The following DNAJC6 variants were observed in gnomAD, a reference collection of about 807,000 sequenced individuals.
DNAJC6 encodes the protein DnaJ heat shock protein family (Hsp40) member C6, also known as auxilin.
Under a neutral mutation model 110.0 loss-of-function variants are expected in DNAJC6, and 34 were observed. The observed-to-expected ratio is 0.31, with a 90% CI of 0.24 to 0.41. DNAJC6 has a LOEUF of 0.41. Among genes scored for constraint, DNAJC6 ranks in the 10% least tolerant of loss-of-function variants. The pLI is 1.00. For synonymous variants in DNAJC6, 406 were observed against 437.2 expected (o/e 0.93, Z 0.89); for missense variants, 1,031 against 1,207.8 (o/e 0.85, Z 2.17).
At chr1:65,300,043 C>CAAAAAAAAAA (rs59681451) in intron 1 of DNAJC6, among the ~76,000 whole-genome samples, 3 of 112,048 alleles carry the variant, frequency 2.7e-5, no homozygotes, top group Non-Finnish European at 3.8e-5. Flanking sequence ...AACTCCATCT[C>CAAAAAAAAAA]AAAAAAAAAA....
intron 1 of DNAJC6, among the ~76,000 whole-genome samples, chr1:65,350,055 G>T (rs1175930642): frequency 2.0e-5 from 3 of 152,130 alleles, no homozygotes; most frequent in Non-Finnish European, 4.4e-5. Context: ...TAAGTGCCGA[G>T]GTTGAGACAT....
chr1:65,318,281 A>G (rs1557518942), intron 1 of DNAJC6, among the ~76,000 whole-genome samples: 1 of 152,080 alleles, frequency 6.6e-6, no homozygotes, highest in Non-Finnish European at 1.5e-5. Flanking sequence ...ATTCATCTTT[A>G]TTCAAATGCA....
At chr1:65,390,322 C>G (rs1006847081) in intron 11 of DNAJC6, among the ~76,000 whole-genome samples, 2 of 152,174 alleles carry the variant, frequency 1.3e-5, no homozygotes, top group African/African-American at 4.8e-5. Flanking sequence ...CCCCAGGGAG[C>G]CTTAACCACT....
intron 1 of DNAJC6, among the ~76,000 whole-genome samples, chr1:65,331,519 G>A (rs534767160): frequency 6.6e-6 from 1 of 152,300 alleles, no homozygotes; most frequent in South Asian, 2.1e-4. Flanking sequence ...GTTGTACAGC[G>A]ATTACAGGGT....
chr1:65,352,858 G>A (rs1645505097), intron 1 of DNAJC6, among the ~76,000 whole-genome samples: 1 of 152,158 alleles, frequency 6.6e-6, no homozygotes, highest in Admixed American at 6.5e-5. Flanking sequence ...AAGCACACTG[G>A]TTTTCTAAAA....
chr1:65,376,680 G>T (rs1349472689), intron 4 of DNAJC6, among the ~76,000 whole-genome samples: 1 of 151,530 alleles, frequency 6.6e-6, no homozygotes, highest in Non-Finnish European at 1.5e-5. Flanking sequence ...TATTTTCCAA[G>T]TTTCCTTTTG....
At chr1:65,278,145 G>A (rs927794165) in intron 1 of DNAJC6, among the ~76,000 whole-genome samples, 1 of 152,168 alleles carries the variant, frequency 6.6e-6, no homozygotes, top group African/African-American at 2.4e-5. Context: ...CAGGTTGCGC[G>A]CTGCGTTTAG....
chr1:65,413,344 GA>G lies in DNAJC6; in HGVS notation c.*321del. Reference sequence around the variant, plus strand: ...ATGGAAAACAGAGGCCACCACCCATGAAGGCATAACACCCATCACATTGTCT... The same window carrying G: ...ATGGAAAACAGAGGCCACCACCCATGAGGCATAACACCCATCACATTGTCT... On this transcript the variant is annotated 3_prime_UTR_variant, in exon 19 of 19. Transcript: ENST00000371069. 7 of 263,330 alleles carry G rather than the reference GA, an allele frequency of 2.7e-5. No homozygotes were observed. Among genetic ancestry groups the G allele is most frequent in the South Asian group, 1.0e-4 (2 of 19,152 alleles). The allele number at this position is 263,330 out of a possible 1,614,324, so 16.3% of individuals were successfully genotyped here.
intron 1 of DNAJC6, among the ~76,000 whole-genome samples, chr1:65,315,729 T>C (rs1464556221): frequency 1.3e-5 from 2 of 152,228 alleles, no homozygotes; most frequent in Non-Finnish European, 2.9e-5. Context: ...GGTCATCTTA[T>C]AGTTGAATAA....
intron 1 of DNAJC6, among the ~76,000 whole-genome samples, chr1:65,338,273 T>C (rs1645356949): frequency 6.6e-6 from 1 of 152,334 alleles, no homozygotes; most frequent in East Asian, 1.9e-4. Flanking sequence ...ATTACTTATT[T>C]GCTTTGTGCC....
intron 4 of DNAJC6, among the ~76,000 whole-genome samples, chr1:65,372,546 G>A (rs7537733): frequency 0.66 from 100,773 of 151,934 alleles, 34,134 homozygotes; most frequent in African/African-American, 0.82. Flanking sequence ...CAGCTTGACC[G>A]CAAGCTAGCA....
At chr1:65,265,925 C>A (rs1315737996) in intron 1 of DNAJC6, among the ~76,000 whole-genome samples, 3 of 152,238 alleles carry the variant, frequency 2.0e-5, no homozygotes, top group Non-Finnish European at 4.4e-5. Flanking sequence ...GCCGGCCCCC[C>A]TTTCTTTTCA....
At chr1:65,300,075 T>C (rs1038429637) in intron 1 of DNAJC6, among the ~76,000 whole-genome samples, 7 of 149,508 alleles carry the variant, frequency 4.7e-5, no homozygotes, top group Non-Finnish European at 8.9e-5. Context: ...AAAAAAAGTC[T>C]GAAATCCAGT....
Position 65,288,383 on chromosome 1 carries a change from A to G in DNAJC6, c.-131+23451A>G, listed in dbSNP as rs148562262. On this transcript the variant is annotated intron_variant, in intron 1 of 19. Transcript: ENST00000263441. ...CTCTAACATGAAAAATTTATAACTAATGGCAACATTGGGAAAAAGCAAGAT... is the reference window on the plus strand; with the variant it reads ...CTCTAACATGAAAAATTTATAACTAGTGGCAACATTGGGAAAAAGCAAGAT... 2.3e-3 allele frequency among the ~76,000 whole-genome samples: 358 copies of G among 152,344 alleles called. 1 individual carries two copies. Among genetic ancestry groups the G allele is most frequent in the African/African-American group, 8.0e-3 (333 of 41,584 alleles).
At chr1:65,266,121 A>T (rs545484014) in intron 1 of DNAJC6, among the ~76,000 whole-genome samples, 1 of 152,180 alleles carries the variant, frequency 6.6e-6, no homozygotes, top group Non-Finnish European at 1.5e-5. Flanking sequence ...TTTGGGTGAG[A>T]CGTGCAACAA....
chr1:65,353,054 T>G (rs937333040), intron 1 of DNAJC6, among the ~76,000 whole-genome samples: 2 of 152,182 alleles, frequency 1.3e-5, no homozygotes, highest in African/African-American at 4.8e-5. Flanking sequence ...CTATCTCTAT[T>G]CTCTATCATA....
intron 1 of DNAJC6, among the ~76,000 whole-genome samples, chr1:65,269,180 C>T (rs762018578): frequency 6.6e-6 from 1 of 151,868 alleles, no homozygotes; most frequent in Non-Finnish European, 1.5e-5. Flanking sequence ...CCAGCCTGGC[C>T]AACATGGTGA....
At chr1:65,280,991 A>C (rs1181223566) in intron 1 of DNAJC6, among the ~76,000 whole-genome samples, 2 of 152,174 alleles carry the variant, frequency 1.3e-5, no homozygotes, top group Non-Finnish European at 2.9e-5. Context: ...GCTGGAGTGC[A>C]GTGGTGTAAT....
At chr1:65,395,095 C>T (rs1645964166) in intron 13 of DNAJC6, 63 bp downstream of exon 13, 8 of 1,477,844 alleles carry the variant, frequency 5.4e-6, no homozygotes, top group South Asian at 1.5e-5. Context: ...TCAGTAAGTG[C>T]TCATATATAA....
Sources: gnomAD v4.1 joint callset for allele counts (sites outside exome capture counted in the v4.1 genomes callset) on GRCh38, gnomAD v4.1.1 for gene constraint, MANE v1.5 for transcripts, NCBI Gene and HGNC (gene_info 2026-07-23, HGNC 2026-07-21) for gene names.